The following RPH3A variants were observed in gnomAD, a reference collection of about 807,000 sequenced individuals.
RPH3A encodes the protein rabphilin 3A, also known as rabphilin-3A.
RPH3A carries 48 observed loss-of-function variants against 102.2 expected under a neutral mutation model. The ratio of observed to expected loss-of-function variants is 0.47; its 90% confidence interval spans 0.37 to 0.60. RPH3A has a LOEUF of 0.60. RPH3A is among the 20% of genes least tolerant of loss of function. The probability of loss-of-function intolerance (pLI) is 0.00; values close to 1 mark genes in which losing one functional copy is unlikely to be tolerated. For missense variants in RPH3A, 781 were observed against 910.1 expected (o/e 0.86, Z 1.83); for synonymous variants, 310 against 324.3 (o/e 0.96, Z 0.47).
chr12:112,883,614 C>T (rs2042960924), intron 16 of RPH3A, among the ~76,000 whole-genome samples: 1 of 151,612 alleles, frequency 6.6e-6, no homozygotes. Context: ...TTACTGTTAA[C>T]ATCTTGGTAT....
chr12:112,600,077 A>G (rs1433101685), intron 1 of RPH3A, among the ~76,000 whole-genome samples: 1 of 152,116 alleles, frequency 6.6e-6, no homozygotes, highest in African/African-American at 2.4e-5. Flanking sequence ...TTATTTCCTA[A>G]CCCTGAACCC....
intron 1 of RPH3A, among the ~76,000 whole-genome samples, chr12:112,721,601 A>G (rs542212528): frequency 6.6e-6 from 1 of 152,042 alleles, no homozygotes; most frequent in East Asian, 1.9e-4. Flanking sequence ...AAATTAAAGT[A>G]GCCTACAGTA....
chr12:112,662,070 A>G (rs1182261163), intron 1 of RPH3A, among the ~76,000 whole-genome samples: 1 of 152,178 alleles, frequency 6.6e-6, no homozygotes, highest in Non-Finnish European at 1.5e-5. Context: ...CAAAATGCTG[A>G]AAGTCATTCT....
chr12:112,651,961 T>C (rs1318631846), intron 1 of RPH3A: 1 of 152,248 alleles, frequency 6.6e-6, no homozygotes, highest in Non-Finnish European at 1.5e-5. Context: ...TATTTCATTG[T>C]ATGGCTAGGC....
At chr12:112,855,115 A>G (rs2042389745) in intron 5 of RPH3A, among the ~76,000 whole-genome samples, 1 of 152,184 alleles carries the variant, frequency 6.6e-6, no homozygotes, top group Non-Finnish European at 1.5e-5. Context: ...CTGACATGAA[A>G]CAAAGATTTC....
intron 1 of RPH3A, among the ~76,000 whole-genome samples, chr12:112,665,325 A>T (rs2040076874): frequency 1.3e-5 from 2 of 152,198 alleles, no homozygotes; most frequent in South Asian, 4.1e-4. Context: ...TGTCAGCAAC[A>T]AAAGGGGACT....
chr12:112,676,553 T>G (rs1419612366), intron 1 of RPH3A, among the ~76,000 whole-genome samples: 1 of 152,222 alleles, frequency 6.6e-6, no homozygotes, highest in African/African-American at 2.4e-5. Flanking sequence ...TAGATGCCAA[T>G]AAGAGAGCGA....
intron 1 of RPH3A, among the ~76,000 whole-genome samples, chr12:112,704,128 G>T (rs2040413193): frequency 6.8e-6 from 1 of 147,002 alleles, no homozygotes; most frequent in African/African-American, 2.5e-5. Flanking sequence ...TCACTCTGTT[G>T]CCCAGGCTGG....
At chr12:112,610,729 T>TC (rs1372130632) in intron 1 of RPH3A, among the ~76,000 whole-genome samples, 1 of 151,990 alleles carries the variant, frequency 6.6e-6, no homozygotes, top group Admixed American at 6.6e-5. Context: ...TCTCCTGGGT[T>TC]CATGCCATTC....
chr12:112,679,769 A>G (rs1320334408), intron 1 of RPH3A, among the ~76,000 whole-genome samples: 1 of 152,204 alleles, frequency 6.6e-6, no homozygotes, highest in African/African-American at 2.4e-5. Flanking sequence ...GGTTTGTCAT[A>G]CAAGGGTGAG....
At chr12:112,739,416 C>T (rs866074523) in intron 1 of RPH3A, among the ~76,000 whole-genome samples, 4 of 152,136 alleles carry the variant, frequency 2.6e-5, no homozygotes, top group Non-Finnish European at 2.9e-5. Flanking sequence ...CACGAGGAGC[C>T]GTCACCTGAG....
intron 1 of RPH3A, among the ~76,000 whole-genome samples, chr12:112,675,031 G>A (rs1022638338): frequency 2.0e-5 from 3 of 152,124 alleles, no homozygotes; most frequent in Non-Finnish European, 4.4e-5. Context: ...ATCTCTCCCC[G>A]CTCCAAACAG....
chr12:112,725,714 A>G (rs2040583907), intron 1 of RPH3A, among the ~76,000 whole-genome samples: 1 of 152,128 alleles, frequency 6.6e-6, no homozygotes, highest in African/African-American at 2.4e-5. Context: ...CCATGTGATG[A>G]CTTTAAAATT....
chr12:112,846,815 C>G (rs998230750), intron 4 of RPH3A, among the ~76,000 whole-genome samples: 1 of 152,226 alleles, frequency 6.6e-6, no homozygotes, highest in Non-Finnish European at 1.5e-5. Context: ...TAACTCTGTT[C>G]CCAGCAGCCT....
intron 5 of RPH3A, among the ~76,000 whole-genome samples, chr12:112,858,767 G>A (rs963230550): frequency 6.6e-6 from 1 of 152,160 alleles, no homozygotes; most frequent in African/African-American, 2.4e-5. Context: ...GCCTCCACTG[G>A]GATGGCAAGG....
At chr12:112,828,073 G>T (rs904170789) in intron 2 of RPH3A, among the ~76,000 whole-genome samples, 4 of 152,150 alleles carry the variant, frequency 2.6e-5, no homozygotes, top group Admixed American at 2.6e-4. Flanking sequence ...TTGGATTTAG[G>T]TGAGGGGGTT....
At chr12:112,663,318 TC>T (rs1254670065) in intron 1 of RPH3A, among the ~76,000 whole-genome samples, 1 of 152,028 alleles carries the variant, frequency 6.6e-6, no homozygotes, top group Non-Finnish European at 1.5e-5. Context: ...TAAGCGATCC[TC>T]CCACCTCAGT....
chr12:112,641,647 C>T (rs1257462468), intron 1 of RPH3A, among the ~76,000 whole-genome samples: 1 of 152,184 alleles, frequency 6.6e-6, no homozygotes, highest in Non-Finnish European at 1.5e-5. Context: ...ATCCGTCCAC[C>T]TCGGCCTCCC....
rs1162537129 is a variant in RPH3A, at chr12:112,743,215, G to A, written c.-139-48928G>A. On this transcript the variant is annotated intron_variant, in intron 1 of 21. Transcript: ENST00000543106. The stretch of plus-strand genomic sequence containing the variant: ...AGTCACAGGTTCTGGGGATTAGGAC[G>A]TAGACCTCTTGGGGGTGGGTGGGGA... Among the ~76,000 whole-genome samples the A allele has an allele frequency of 3.3e-5, 5 of 152,198 alleles. No individual in the cohort carries two copies. In the East Asian group the frequency reaches 7.7e-4, roughly 23 times the overall value.
Sources: gnomAD v4.1 joint callset for allele counts (sites outside exome capture counted in the v4.1 genomes callset) on GRCh38, gnomAD v4.1.1 for gene constraint, MANE v1.5 for transcripts, NCBI Gene and HGNC (gene_info 2026-07-23, HGNC 2026-07-21) for gene names.